Variants in ATP6V1A observed in about 807,000 individuals in gnomAD.
ATP6V1A encodes V-type proton ATPase catalytic subunit A.
A neutral mutation model predicts 70.1 loss-of-function variants in ATP6V1A; 18 were observed. The observed-to-expected ratio is 0.26, with a 90% CI of 0.18 to 0.38. The LOEUF is 0.38. ATP6V1A is among the 10% of genes least tolerant of loss of function. The pLI, the probability that ATP6V1A is intolerant of heterozygous loss-of-function variation, is 1.00. For missense variants in ATP6V1A, 424 were observed against 772.4 expected, an observed-to-expected ratio of 0.55 and a Z score of 5.35; for synonymous variants, 232 against 253.8, an observed-to-expected ratio of 0.91 and a Z score of 0.82.
intron 12 of ATP6V1A, among the ~76,000 whole-genome samples, chr3:113,799,298 C>A (rs572658762): frequency 6.6e-6 from 1 of 152,224 alleles, no homozygotes; most frequent in South Asian, 2.1e-4. Flanking sequence ...CACAGAAAAT[C>A]TATTGTAATT....
At chr3:113,765,072 A>C (rs1328132776) in intron 1 of ATP6V1A, among the ~76,000 whole-genome samples, 1 of 152,014 alleles carries the variant, frequency 6.6e-6, no homozygotes, top group Non-Finnish European at 1.5e-5. Context: ...TGAACTTAAA[A>C]TAATTGACCA....
At position 113,800,795 on chromosome 3, in the gene ATP6V1A, C is replaced by T. The variant is rs1170665445; in HGVS notation, c.1494+2349C>T. 2.0e-5 allele frequency among the ~76,000 whole-genome samples: 3 copies of T among 152,038 alleles called. No individual in the cohort carries two copies. The East Asian group carries it at 5.8e-4, about 29-fold the overall frequency. On this transcript the variant is annotated intron_variant, in intron 12 of 14. Transcript: ENST00000273398. ...ATAAAAAGTAAGCATTTATGTTTAG[C>T]AAAGGCCTACCCTGGTTAAAGGTAA...
At position 113,781,058 on chromosome 3, in the gene ATP6V1A, G is replaced by A; in HGVS notation, c.91G>A (p.Ala31Thr). The change falls in exon 3 of 15, where the codon GCC (alanine) becomes ACC (threonine). Residue 31 changes from alanine to threonine, a missense_variant. Around this residue, in one of 9 missense-constraint regions of ATP6V1A, gnomAD observed 31 missense variants for 78.6 expected, o/e 0.39. Coordinates refer to ENST00000273398, the MANE Select transcript of ATP6V1A (RefSeq NM_001690.4). ...VHGVSGPVVT[A>T]CDMAGAAMYE... ...TCTTTTGTTCTCTTCAGTGGTTACA[G>A]CCTGTGACATGGCGGGTGCAGCCAT... is the stretch of plus-strand genomic sequence containing the variant. 3.1e-6 allele frequency: 5 copies of A among 1,609,084 alleles called. No homozygotes were observed. The highest frequency in any genetic ancestry group is 2.2e-5 in the East Asian group (1 of 44,828).
intron 1 of ATP6V1A, among the ~76,000 whole-genome samples, chr3:113,757,437 T>C (rs1708657842): frequency 1.3e-5 from 2 of 152,382 alleles, no homozygotes; most frequent in South Asian, 4.1e-4. Flanking sequence ...ATATCAACTT[T>C]GATGTCCAAA....
intron 1 of ATP6V1A, among the ~76,000 whole-genome samples, chr3:113,758,641 A>G (rs2108010530): frequency 6.6e-6 from 1 of 152,332 alleles, no homozygotes; most frequent in East Asian, 1.9e-4. Context: ...GGTCCTATGA[A>G]CATTCATGTA....
At chr3:113,772,933 CTTTT>C (rs762901487) in intron 1 of ATP6V1A, among the ~76,000 whole-genome samples, 2 of 90,428 alleles carry the variant, frequency 2.2e-5, no homozygotes, top group Admixed American at 1.3e-4. Context: ...TTAATATTGG[CTTTT>C]TTTTTTTTTT....
At chr3:113,788,468 G>C (rs942060458) in intron 6 of ATP6V1A, among the ~76,000 whole-genome samples, 2 of 151,572 alleles carry the variant, frequency 1.3e-5, no homozygotes, top group African/African-American at 2.4e-5. Context: ...CAGAGTAGCT[G>C]GGATTACAGG....
intron 1 of ATP6V1A, among the ~76,000 whole-genome samples, chr3:113,756,382 T>A (rs1165835102): frequency 6.6e-6 from 1 of 152,240 alleles, no homozygotes; most frequent in Admixed American, 6.5e-5. Context: ...ACTAGCCATG[T>A]CAAAGGTAAG....
chr3:113,750,307 G>C (rs1221014844), intron 1 of ATP6V1A, among the ~76,000 whole-genome samples: 2 of 152,100 alleles, frequency 1.3e-5, no homozygotes, highest in Non-Finnish European at 2.9e-5. Flanking sequence ...GTGAAACCCT[G>C]TCTTTACTTA....
At position 113,812,049 on chromosome 3, in the gene ATP6V1A, T is replaced by A. The variant is rs1709346541; in HGVS notation, c.*2622T>A. On this transcript the variant is annotated 3_prime_UTR_variant, in exon 15 of 15. Transcript: ENST00000273398. ...TCTGTGAAAGAATAAAAAGTGGATT[T>A]AAATTAACATTTTTTTCTTTTTCTC... The A allele has an allele frequency of 6.6e-6, 1 of 152,600 alleles. No individual in the cohort carries two copies. Among genetic ancestry groups the A allele is most frequent in the Non-Finnish European group, 1.5e-5 (1 of 68,024 alleles). 9.5% of individuals were successfully genotyped at this position (152,600 alleles called of 1,614,324 possible). A position where few individuals can be genotyped will look rare whatever the true frequency, so the allele number is the denominator to read the frequency against.
intron 2 of ATP6V1A, among the ~76,000 whole-genome samples, chr3:113,780,500 G>T (rs1205762434): frequency 6.6e-6 from 1 of 152,160 alleles, no homozygotes; most frequent in Non-Finnish European, 1.5e-5. Flanking sequence ...ATGTGTGTGT[G>T]AGTTTTTCTA....
At chr3:113,778,397 A>C (rs1021387524) in intron 1 of ATP6V1A, among the ~76,000 whole-genome samples, 5 of 151,730 alleles carry the variant, frequency 3.3e-5, no homozygotes, top group South Asian at 2.1e-4. Context: ...CTGTCTCAAA[A>C]AAACAAACAA....
chr3:113,756,932 G>GTAGGTAATGCAATCCTACTAGATAA (rs1708652134), intron 1 of ATP6V1A, among the ~76,000 whole-genome samples: 1 of 152,190 alleles, frequency 6.6e-6, no homozygotes, highest in Middle Eastern at 3.2e-3. Context: ...TAATCCGTGA[G>GTAGGTAATGCAATCCTACTAGATAA]TCCTAGTCGT....
chr3:113,800,497 C>T (rs369588097), intron 12 of ATP6V1A, among the ~76,000 whole-genome samples: 1 of 151,958 alleles, frequency 6.6e-6, no homozygotes, highest in South Asian at 2.1e-4. Flanking sequence ...AAGATGGTAC[C>T]GAAAATCAAG....
In ATP6V1A at chr3:113,775,874, C is replaced by T. The variant is rs145456748; in HGVS notation, c.-13-2867C>T. Among the ~76,000 whole-genome samples the T allele has an allele frequency of 5.9e-3, 893 of 152,318 alleles. 13 individuals are homozygous for T. The highest frequency in any genetic ancestry group is 0.02 in the African/African-American group (851 of 41,578). The stretch of plus-strand genomic sequence containing the variant: ...TTTCACCTCATTCACTTGTTCACTA[C>T]TTCTTTGAAGACTTTTCCCAACCTA... On this transcript the variant is annotated intron_variant, in intron 1 of 14. Transcript: ENST00000273398.
Position 113,778,933 on chromosome 3 carries a change from T to C in ATP6V1A, c.82+98T>C, listed in dbSNP as rs774671091. The C allele has an allele frequency of 2.3e-4, 191 of 833,238 alleles. 1 individual carries two copies. The highest frequency in any genetic ancestry group is 3.2e-4 in the Non-Finnish European group (183 of 567,582). The allele number at this position is 833,238 out of a possible 1,614,324, so 51.6% of individuals were successfully genotyped here. A position where few individuals can be genotyped will look rare whatever the true frequency, so the allele number is the denominator to read the frequency against. The stretch of plus-strand genomic sequence containing the variant: ...AGAAATATACAACTTTCTGTTTACC[T>C]GCATAAATTCTGTTTGTCCTTAGGC... On this transcript the variant is annotated intron_variant, in intron 2 of 14. Transcript: ENST00000273398.
chr3:113,809,411 G>C lies in ATP6V1A; in HGVS notation c.1838G>C (p.Arg613Pro), dbSNP rs140346248. 1 of 1,613,262 alleles carries C rather than the reference G, an allele frequency of 6.2e-7. No homozygotes were observed. The change falls in exon 15 of 15, where the codon CGT becomes CCT. Residue 613 changes from arginine (R) to proline (P), a missense_variant. Around this residue, in one of 9 missense-constraint regions of ATP6V1A, gnomAD observed 127 missense variants for 207.9 expected, o/e 0.61. Transcript: ENST00000273398. ...QLLEDMQNAFRSLED is the reference protein window; with the variant it reads ...QLLEDMQNAFPSLED ...CTTGAAGACATGCAGAATGCATTCC[G>C]TAGCCTTGAAGATTAGAAGCCTTGA... is the stretch of plus-strand genomic sequence containing the variant.
At chr3:113,805,298 A>T (rs1488746662) in intron 13 of ATP6V1A, 56 bp from the exon 14 acceptor site, 1 of 1,527,170 alleles carries the variant, frequency 6.5e-7, no homozygotes, top group Non-Finnish European at 9.0e-7. Context: ...TATATAAAGT[A>T]TGAACCTGTT....
intron 2 of ATP6V1A, chr3:113,780,650 ATTGTG>A: frequency 1.2e-6 from 1 of 820,372 alleles, no homozygotes; most frequent in Non-Finnish European, 1.7e-6. Context: ...CGAAGTGATA[ATTGTG>A]TGGCATTCTA....
Sources: gnomAD v4.1 joint callset for allele counts (sites outside exome capture counted in the v4.1 genomes callset) on GRCh38, gnomAD v4.1.1 for gene constraint, gnomAD v4.1.1 regional missense constraint, MANE v1.5 for transcripts, NCBI Gene and HGNC (gene_info 2026-07-23, HGNC 2026-07-21) for gene names.